UNC5D: variants seen among roughly 807,000 people sequenced by gnomAD.
UNC5D encodes netrin receptor UNC5D.
UNC5D carries 39 observed loss-of-function variants against 105.4 expected under a neutral mutation model. The observed-to-expected ratio is 0.37, with a 90% CI of 0.29 to 0.48. UNC5D has a LOEUF of 0.48. Among genes scored for constraint, UNC5D ranks in the 20% least tolerant of loss-of-function variants. The probability of loss-of-function intolerance (pLI) is 0.98; values close to 1 mark genes in which losing one functional copy is unlikely to be tolerated. For synonymous variants in UNC5D, 452 were observed against 450.4 expected, an observed-to-expected ratio of 1.00 and a Z score of -0.04; for missense variants, 991 against 1,202.4, an observed-to-expected ratio of 0.82 and a Z score of 2.60.
At chr8:35,788,234 G>GA (rs879292763) in intron 16 of UNC5D, among the ~76,000 whole-genome samples, 28 of 151,830 alleles carry the variant, frequency 1.8e-4, no homozygotes, top group Non-Finnish European at 3.7e-4. Context: ...TCTTATAAAT[G>GA]GCAACGCGTC....
intron 1 of UNC5D, among the ~76,000 whole-genome samples, chr8:35,273,014 A>G (rs1310919596): frequency 1.3e-5 from 2 of 152,194 alleles, no homozygotes; most frequent in Non-Finnish European, 2.9e-5. Flanking sequence ...GGTCTAAGCA[A>G]TTGCTCTAAG....
chr8:35,651,762 C>T (rs1427034532), intron 4 of UNC5D, among the ~76,000 whole-genome samples: 3 of 152,122 alleles, frequency 2.0e-5, no homozygotes, highest in Non-Finnish European at 4.4e-5. Flanking sequence ...TGAAACTACA[C>T]TCTTCTGGGT....
At chr8:35,599,958 C>A (rs563164626) in intron 4 of UNC5D, among the ~76,000 whole-genome samples, 3 of 152,264 alleles carry the variant, frequency 2.0e-5, no homozygotes, top group African/African-American at 7.2e-5. Flanking sequence ...CCTCCTCCCC[C>A]AACCCCACAA....
chr8:35,633,594 AT>A (rs971823450), intron 4 of UNC5D, among the ~76,000 whole-genome samples: 39 of 150,888 alleles, frequency 2.6e-4, no homozygotes, highest in Middle Eastern at 3.5e-3. Flanking sequence ...CAAAAAAAAA[AT>A]TTTTTTTAAA....
intron 1 of UNC5D, among the ~76,000 whole-genome samples, chr8:35,289,687 C>A (rs1806889904): frequency 6.6e-6 from 1 of 152,146 alleles, no homozygotes; most frequent in African/African-American, 2.4e-5. Context: ...TGAACTCAAA[C>A]AATTCAATAG....
chr8:35,387,184 C>T lies in UNC5D; in HGVS notation c.103+151297C>T, dbSNP rs562333913. Reference sequence around the variant, plus strand: ...GATCATCCTGGCTAACATGGTGAAACCCTGTCTCTACTAAAAAATACAACA... The same window carrying T: ...GATCATCCTGGCTAACATGGTGAAATCCTGTCTCTACTAAAAAATACAACA... On this transcript the variant is annotated intron_variant, in intron 1 of 16. Coordinates refer to ENST00000404895, the MANE Select transcript of UNC5D (RefSeq NM_080872.4). Among the ~76,000 whole-genome samples, 41 of 151,926 alleles carry T rather than the reference C, an allele frequency of 2.7e-4. 1 individual carries two copies. The highest frequency in any genetic ancestry group is 2.5e-3 in the Admixed American group (38 of 15,246).
At chr8:35,399,214 T>G (rs948962306) in intron 1 of UNC5D, among the ~76,000 whole-genome samples, 16 of 150,310 alleles carry the variant, frequency 1.1e-4, no homozygotes, top group Non-Finnish European at 2.4e-4. Context: ...GAGGGAGGAA[T>G]TTTGCTCTGA....
intron 4 of UNC5D, among the ~76,000 whole-genome samples, chr8:35,661,080 A>T (rs896326348): frequency 1.3e-5 from 2 of 152,238 alleles, no homozygotes; most frequent in Non-Finnish European, 2.9e-5. Flanking sequence ...CCCAGGTGAC[A>T]GAGTGAGACC....
At chr8:35,617,763 T>C (rs1192485922) in intron 4 of UNC5D, among the ~76,000 whole-genome samples, 6 of 152,190 alleles carry the variant, frequency 3.9e-5, no homozygotes, top group African/African-American at 1.4e-4. Context: ...AAGAAAAACA[T>C]CCAACATTCA....
intron 8 of UNC5D, among the ~76,000 whole-genome samples, chr8:35,720,811 T>A (rs1828537339): frequency 6.6e-6 from 1 of 151,838 alleles, no homozygotes; most frequent in Non-Finnish European, 1.5e-5. Flanking sequence ...TTAAATGTAT[T>A]TGATAAACCT....
intron 1 of UNC5D, among the ~76,000 whole-genome samples, chr8:35,371,325 C>T (rs79722992): frequency 0.011 from 1,703 of 152,096 alleles, 33 homozygotes; most frequent in African/African-American, 0.04. Flanking sequence ...CATCTTGGTC[C>T]CATTAATATA....
rs540596641 is a variant in UNC5D at position 35,271,816 on chromosome 8, G to A, written c.103+35929G>A. 2.8e-3 allele frequency among the ~76,000 whole-genome samples: 420 copies of A among 151,376 alleles called. 4 individuals carry two copies. Among genetic ancestry groups the A allele is most frequent in the African/African-American group, 9.4e-3 (389 of 41,284 alleles). ...TATAAGTGCCTATAATTTGCTGGCC[G>A]TTGCTATAGGCAGGGGATAAGACAG... On this transcript the variant is annotated intron_variant, in intron 1 of 16. Coordinates refer to ENST00000404895, the MANE Select transcript of UNC5D (RefSeq NM_080872.4).
chr8:35,405,099 G>A (rs1804719635), intron 1 of UNC5D, among the ~76,000 whole-genome samples: 1 of 152,160 alleles, frequency 6.6e-6, no homozygotes, highest in South Asian at 2.1e-4. Flanking sequence ...AACAATATGT[G>A]AGCAAAGAGC....
At chr8:35,663,262 T>A (rs1824221074) in intron 4 of UNC5D, among the ~76,000 whole-genome samples, 1 of 151,916 alleles carries the variant, frequency 6.6e-6, no homozygotes, top group Admixed American at 6.5e-5. Flanking sequence ...ACATTCCTAT[T>A]CTTTAGGTGG....
chr8:35,363,794 T>C lies in UNC5D; in HGVS notation c.103+127907T>C, dbSNP rs77815888. ...TTAAGAACACATAAAATATTGGTTCTCTTTATTCTTTTTCCCATTAATTTT... is the reference window on the plus strand; with the variant it reads ...TTAAGAACACATAAAATATTGGTTCCCTTTATTCTTTTTCCCATTAATTTT... On this transcript the variant is annotated intron_variant, in intron 1 of 16. Coordinates refer to ENST00000404895, the MANE Select transcript of UNC5D (RefSeq NM_080872.4). Among the ~76,000 whole-genome samples the C allele has an allele frequency of 5.2e-4, 79 of 152,330 alleles. No individual in the cohort carries two copies. The East Asian group carries it at 0.015, about 29-fold the overall frequency.
At chr8:35,322,945 A>G (rs1809861799) in intron 1 of UNC5D, among the ~76,000 whole-genome samples, 2 of 152,140 alleles carry the variant, frequency 1.3e-5, no homozygotes, top group African/African-American at 2.4e-5. Context: ...TTTGCACGCT[A>G]TATTTCTTGA....
At chr8:35,438,277 C>G (rs1182579721) in intron 1 of UNC5D, among the ~76,000 whole-genome samples, 1 of 151,958 alleles carries the variant, frequency 6.6e-6, no homozygotes, top group Admixed American at 6.6e-5. Context: ...CTGATTTTCA[C>G]CTAACTCATT....
chr8:35,698,899 G>A (rs1826982536), intron 7 of UNC5D, among the ~76,000 whole-genome samples: 1 of 152,160 alleles, frequency 6.6e-6, no homozygotes, highest in East Asian at 1.9e-4. Flanking sequence ...AATATATACA[G>A]TATATATTTC....
chr8:35,760,839 A>G (rs992480792), intron 14 of UNC5D, among the ~76,000 whole-genome samples: 1 of 152,048 alleles, frequency 6.6e-6, no homozygotes, highest in Non-Finnish European at 1.5e-5. Context: ...CCTAGTCACA[A>G]AGAGAAAACC....
Sources: allele counts gnomAD v4.1 joint callset (sites outside exome capture counted in the v4.1 genomes callset), GRCh38; gene constraint gnomAD v4.1.1; transcripts MANE v1.5; gene names NCBI Gene and HGNC (gene_info 2026-07-23, HGNC 2026-07-21).